The following PIK3CA variants were observed in gnomAD, a reference collection of about 807,000 sequenced individuals.
The protein encoded by PIK3CA is phosphatidylinositol 4,5-bisphosphate 3-kinase catalytic subunit alpha isoform.
PIK3CA carries 27 observed loss-of-function variants against 138.2 expected under a neutral mutation model. The observed-to-expected ratio is 0.20, with a 90% confidence interval of 0.14 to 0.27. The LOEUF (loss-of-function observed/expected upper bound fraction) is 0.27, where lower values mean the gene tolerates loss of function less well. PIK3CA is among the 10% of genes least tolerant of loss of function. PIK3CA has a pLI of 1.00. For synonymous variants in PIK3CA, 358 were observed against 413.2 expected, an observed-to-expected ratio of 0.87 and a Z score of 1.62; for missense variants, 544 against 1,277.4, an observed-to-expected ratio of 0.43 and a Z score of 8.75.
chr3:179,231,671 C>CA (rs1312084006), intron 20 of PIK3CA, among the ~76,000 whole-genome samples: 12 of 91,620 alleles, frequency 1.3e-4, no homozygotes, highest in Admixed American at 3.3e-4. Context: ...GATGGAGTCT[C>CA]ACTCTTGTTG....
chr3:179,209,562 G>C (rs929298368), intron 6 of PIK3CA, 33 bp from the exon 7 acceptor site: 2 of 1,279,100 alleles, frequency 1.6e-6, no homozygotes, highest in Non-Finnish European at 2.3e-6. Context: ...GACTTTTCTT[G>C]ATGTATTATT....
rs951748021 is a variant in PIK3CA, at chr3:179,164,917, T to C, written c.-77+16314T>C. Among the ~76,000 whole-genome samples, 4 of 152,212 alleles carry C rather than the reference T, an allele frequency of 2.6e-5. 1 individual carries two copies. Among genetic ancestry groups the C allele is most frequent in the African/African-American group, 9.6e-5 (4 of 41,538 alleles). ...AAGAAATTTCTGCTAACCTTGATTCTATCCCTTTTGACCTGCCAAATCCAA... is the reference window on the plus strand; with the variant it reads ...AAGAAATTTCTGCTAACCTTGATTCCATCCCTTTTGACCTGCCAAATCCAA... On this transcript the variant is annotated intron_variant, in intron 1 of 20. Transcript: ENST00000263967.
chr3:179,208,493 G>A (rs971703072), intron 6 of PIK3CA, among the ~76,000 whole-genome samples: 1 of 152,084 alleles, frequency 6.6e-6, no homozygotes, highest in African/African-American at 2.4e-5. Context: ...TCATAGAGGA[G>A]GCAAAAGACA....
rs1724946368 is a variant in PIK3CA at position 179,220,733 on chromosome 3, C to T, written c.2016-253C>T. Among the ~76,000 whole-genome samples the T allele has an allele frequency of 6.6e-6, 1 of 151,926 alleles. No homozygotes were observed. The highest frequency in any genetic ancestry group is 2.4e-5 in the African/African-American group (1 of 41,362). The stretch of plus-strand genomic sequence containing the variant: ...TTTTTTCATGTTTTTATATCTTGTA[C>T]TGAGATTAGTCAATGAAAACTAGTT... On this transcript the variant is annotated intron_variant, in intron 13 of 20. Transcript: ENST00000263967. This position sits in a 1 kb window ranked among gnomAD's most constrained non-coding sequence, Gnocchi z 4.1.
intron 1 of PIK3CA, among the ~76,000 whole-genome samples, chr3:179,165,487 G>A (rs1723395544): frequency 6.6e-6 from 1 of 152,078 alleles, no homozygotes; most frequent in Admixed American, 6.6e-5. Context: ...GAACTCCTGG[G>A]CTTAAGTAGT....
At chr3:179,163,601 A>G (rs1723340236) in intron 1 of PIK3CA, among the ~76,000 whole-genome samples, 1 of 152,268 alleles carries the variant, frequency 6.6e-6, no homozygotes, top group African/African-American at 2.4e-5. Flanking sequence ...GCAAAAATTC[A>G]ATAGATGTTT....
chr3:179,226,434 A>G (rs1402323571), intron 17 of PIK3CA, among the ~76,000 whole-genome samples: 1 of 152,152 alleles, frequency 6.6e-6, no homozygotes, highest in Non-Finnish European at 1.5e-5. Context: ...AAATTATGCA[A>G]CCAGCTATCT....
Position 179,219,164 on chromosome 3 carries a change from A to G in PIK3CA, c.1665-32A>G, listed in dbSNP as rs763996179. 7.6e-7 allele frequency: 1 copy of G among 1,317,128 alleles called. No homozygotes were observed. The highest frequency in any genetic ancestry group is 1.2e-5 in the South Asian group (1 of 83,314). 81.6% of individuals were successfully genotyped at this position (1,317,128 alleles called of 1,614,324 possible). On this transcript the variant is annotated intron_variant, in intron 10 of 20. Transcript: ENST00000263967. This position sits in a 1 kb window ranked among gnomAD's most constrained non-coding sequence, Gnocchi z 4.2. ...TCAACCTTTTGAACAGCATGCAAGA[A>G]TGTTTATGTTTATTTTGTTTCTCCC...
At chr3:179,184,908 A>G (rs1723937366) in intron 1 of PIK3CA, among the ~76,000 whole-genome samples, 1 of 152,208 alleles carries the variant, frequency 6.6e-6, no homozygotes, top group African/African-American at 2.4e-5. Context: ...GGCAAGTTTT[A>G]ATTTATCTAA....
chr3:179,223,819 T>C (rs1725021228), intron 14 of PIK3CA, among the ~76,000 whole-genome samples: 1 of 152,190 alleles, frequency 6.6e-6, no homozygotes, highest in Non-Finnish European at 1.5e-5. Context: ...AGCCCTGCTC[T>C]ACAGCCAAAA....
At chr3:179,211,808 G>A (rs1347967886) in intron 9 of PIK3CA, among the ~76,000 whole-genome samples, 3 of 152,038 alleles carry the variant, frequency 2.0e-5, no homozygotes, top group East Asian at 1.9e-4. Context: ...GTGCAATACC[G>A]TGAACCCTGA....
intron 1 of PIK3CA, among the ~76,000 whole-genome samples, chr3:179,174,641 C>G (rs1034689090): frequency 6.6e-6 from 1 of 152,142 alleles, no homozygotes; most frequent in Admixed American, 6.5e-5. Context: ...CTGTCTTGGT[C>G]CACCAATATT....
chr3:179,175,517 G>T (rs543477697), intron 1 of PIK3CA, among the ~76,000 whole-genome samples: 1 of 151,750 alleles, frequency 6.6e-6, no homozygotes, highest in East Asian at 1.9e-4. Flanking sequence ...CATTCTTCTC[G>T]GAAGTATCCT....
At chr3:179,162,471 A>G (rs1723309540) in intron 1 of PIK3CA, among the ~76,000 whole-genome samples, 1 of 152,120 alleles carries the variant, frequency 6.6e-6, no homozygotes, top group Admixed American at 6.5e-5. Context: ...TCAGTCTCCC[A>G]AAGTGTTGGG....
At chr3:179,170,044 A>G (rs1394705872) in intron 1 of PIK3CA, among the ~76,000 whole-genome samples, 2 of 148,492 alleles carry the variant, frequency 1.3e-5, no homozygotes, top group East Asian at 4.0e-4. Flanking sequence ...TCTCCAGCAC[A>G]GACATGCACA....
Position 179,237,972 on chromosome 3 carries a change from A to C in PIK3CA, c.*3608A>C, listed in dbSNP as rs1006098112. 1.9e-5 allele frequency: 4 copies of C among 215,438 alleles called. No homozygotes were observed. The highest frequency in any genetic ancestry group is 9.0e-5 in the African/African-American group (4 of 44,342). 13.3% of individuals were successfully genotyped at this position (215,438 alleles called of 1,614,324 possible). On this transcript the variant is annotated 3_prime_UTR_variant, in exon 21 of 21. Coordinates refer to ENST00000263967, the MANE Select transcript of PIK3CA (RefSeq NM_006218.4). ...ACATCACTAAAATATTTAAGTTTAAAGATAATATGTGGTGTTAATAGATTG... is the reference window on the plus strand; with the variant it reads ...ACATCACTAAAATATTTAAGTTTAACGATAATATGTGGTGTTAATAGATTG...
chr3:179,194,770 C>A (rs914085543), intron 1 of PIK3CA, among the ~76,000 whole-genome samples: 2 of 152,140 alleles, frequency 1.3e-5, no homozygotes, highest in Non-Finnish European at 2.9e-5. Context: ...TTACATCAGG[C>A]CATACCCTTT....
intron 1 of PIK3CA, among the ~76,000 whole-genome samples, chr3:179,181,455 T>G: frequency 6.6e-6 from 1 of 152,142 alleles, no homozygotes; most frequent in East Asian, 1.9e-4. Flanking sequence ...AACACTAGTA[T>G]TATAAACCCA....
At position 179,237,196 on chromosome 3, in the gene PIK3CA, T is replaced by C. The variant is rs1725348670; in HGVS notation, c.*2832T>C. On this transcript the variant is annotated 3_prime_UTR_variant, in exon 21 of 21. Coordinates refer to ENST00000263967, the MANE Select transcript of PIK3CA (RefSeq NM_006218.4). ...TTAATTTGAAATCTGTTACTCTTAT[T>C]GTGGAATTTGTTTTTTTAAAAAAGA... is the stretch of plus-strand genomic sequence containing the variant. The C allele has an allele frequency of 5.1e-6, 1 of 194,950 alleles. No individual in the cohort carries two copies. The highest frequency in any genetic ancestry group is 2.3e-5 in the African/African-American group (1 of 43,350). 12.1% of individuals were successfully genotyped at this position (194,950 alleles called of 1,614,324 possible). A position where few individuals can be genotyped will look rare whatever the true frequency, so the allele number is the denominator to read the frequency against.
Sources: gnomAD v4.1 joint callset for allele counts (sites outside exome capture counted in the v4.1 genomes callset) on GRCh38, gnomAD v4.1.1 for gene constraint, Gnocchi (gnomAD v3.1) non-coding constraint, MANE v1.5 for transcripts, NCBI Gene and HGNC (gene_info 2026-07-23, HGNC 2026-07-21) for gene names.